The following PCDHA1 variants were observed in gnomAD, a reference collection of about 807,000 sequenced individuals.
PCDHA1 encodes the protein protocadherin alpha 1.
A neutral mutation model predicts 61.3 loss-of-function variants in PCDHA1; 42 were observed. That is an observed-to-expected ratio of 0.69 (90% CI 0.54 to 0.89). The LOEUF is 0.89. Among genes scored for constraint, PCDHA1 ranks in the 40% least tolerant of loss-of-function variants. The pLI is 0.00. For missense variants in PCDHA1, 1,256 were observed against 1,235.3 expected (o/e 1.02, Z -0.25); for synonymous variants, 610 against 553.8 (o/e 1.10, Z -1.43).
At chr5:140,882,392 G>C (rs781850899) in intron 1 of PCDHA1, 4 of 1,614,178 alleles carry the variant, frequency 2.5e-6, no homozygotes, top group South Asian at 1.1e-5. Flanking sequence ...AGCAAAACAC[G>C]GCACCTTCGT....
chr5:141,006,361 A>G (rs1384420854), intron 3 of PCDHA1, among the ~76,000 whole-genome samples: 3 of 151,846 alleles, frequency 2.0e-5, no homozygotes, highest in African/African-American at 7.3e-5. Context: ...ATAGGCGCCC[A>G]CCACCACGCC....
intron 1 of PCDHA1, among the ~76,000 whole-genome samples, chr5:140,818,835 TG>T (rs1766447116): frequency 6.6e-6 from 1 of 152,204 alleles, no homozygotes; most frequent in African/African-American, 2.4e-5. Context: ...GTCACCCAGT[TG>T]TATAGAATCA....
intron 1 of PCDHA1, chr5:140,795,922 G>T: frequency 6.2e-7 from 1 of 1,613,924 alleles, no homozygotes; most frequent in Non-Finnish European, 8.5e-7. Context: ...CGAGATTCAG[G>T]TCACTGCAAC....
At chr5:140,848,285 C>T in intron 1 of PCDHA1, 1 of 617,022 alleles carries the variant, frequency 1.6e-6, no homozygotes. Flanking sequence ...TGTACTTACA[C>T]TTTGGGCCAC....
intron 1 of PCDHA1, chr5:140,794,840 A>G: frequency 9.4e-7 from 1 of 1,063,330 alleles, no homozygotes; most frequent in Non-Finnish European, 1.4e-6. Context: ...AAATACCCAG[A>G]GCCCCTTTGT....
rs377081112 is a variant in PCDHA1 at position 140,871,063 on chromosome 5, G to T, written c.2394+82379G>T. The T allele has an allele frequency of 1.1e-5, 18 of 1,613,154 alleles. No homozygotes were observed. In the African/African-American group the frequency reaches 2.0e-4, roughly 18 times the overall value. On this transcript the variant is annotated intron_variant, in intron 1 of 3. Transcript: ENST00000504120. ...ACTTCTAGTACTGGTGAAGGATCAC[G>T]GTGAGCCGGCGCTGACGGCCACGGC...
chr5:140,916,003 A>G (rs971043760), intron 1 of PCDHA1, among the ~76,000 whole-genome samples: 1 of 152,146 alleles, frequency 6.6e-6, no homozygotes, highest in Non-Finnish European at 1.5e-5. Context: ...CACTCAAACC[A>G]CAAGACAAAG....
rs2150350980 is a variant in PCDHA1 at position 140,843,047 on chromosome 5, G to A, written c.2394+54363G>A. On this transcript the variant is annotated intron_variant, in intron 1 of 3. Coordinates refer to ENST00000504120, the MANE Select transcript of PCDHA1 (RefSeq NM_018900.4). ...GCCTCGGGTGGGTGGCACTGGTGGC[G>A]CAGCGAGCAAGCTGGTGCCGCGGTC... 9.4e-6 allele frequency: 15 copies of A among 1,595,052 alleles called. 2 individuals carry two copies. The highest frequency in any genetic ancestry group is 1.2e-5 in the Non-Finnish European group (14 of 1,165,268).
rs559156187 is a variant in PCDHA1 at position 140,858,121 on chromosome 5, G to A, written c.2394+69437G>A. On this transcript the variant is annotated intron_variant, in intron 1 of 3. Coordinates refer to ENST00000504120, the MANE Select transcript of PCDHA1 (RefSeq NM_018900.4). ...TGGGCGTGGCGCCCGAGGTGGCCCTGGTGGATGTCAACGTGTACCTGATCA... is the reference window on the plus strand; with the variant it reads ...TGGGCGTGGCGCCCGAGGTGGCCCTAGTGGATGTCAACGTGTACCTGATCA... 7 of 1,597,864 alleles carry A rather than the reference G, an allele frequency of 4.4e-6. No individual in the cohort carries two copies. The South Asian group carries it at 5.5e-5, about 13-fold the overall frequency.
intron 1 of PCDHA1, chr5:140,863,746 C>T (rs902419131): frequency 8.2e-6 from 2 of 244,508 alleles, no homozygotes; most frequent in Non-Finnish European, 1.6e-5. Context: ...TATTTGTAAT[C>T]CCGGCACTTT....
At chr5:140,882,400 C>T (rs782194379) in intron 1 of PCDHA1, 10 of 1,614,172 alleles carry the variant, frequency 6.2e-6, no homozygotes, top group Admixed American at 3.3e-5. Context: ...ACGGCACCTT[C>T]GTGGGCCGCA....
chr5:140,923,219 CGTTTGAGCCCAGAA>C (rs6149268), intron 1 of PCDHA1, among the ~76,000 whole-genome samples: 47,935 of 151,966 alleles, frequency 0.32, 7,912 homozygotes, highest in East Asian at 0.52. Context: ...GTGAAAGGAT[CGTTTGAGCCCAGAA>C]GTTTGAGACC....
intron 1 of PCDHA1, chr5:140,875,502 A>G (rs201298546): frequency 1.7e-5 from 28 of 1,613,494 alleles, no homozygotes; most frequent in Non-Finnish European, 2.3e-5. Context: ...GAGGCCCGGG[A>G]TCCCAGCGTC....
At chr5:140,998,939 A>C (rs1299425979) in intron 3 of PCDHA1, among the ~76,000 whole-genome samples, 2 of 152,248 alleles carry the variant, frequency 1.3e-5, no homozygotes, top group Admixed American at 1.3e-4. Flanking sequence ...CAGATGAAGA[A>C]ACTGTAAGTC....
intron 1 of PCDHA1, chr5:140,930,305 T>C (rs1554207723): frequency 6.6e-6 from 1 of 152,252 alleles, no homozygotes; most frequent in Non-Finnish European, 1.5e-5. Flanking sequence ...TAAGTAAATA[T>C]CATATTTGAG....
chr5:140,805,220 T>G, intron 1 of PCDHA1: 1 of 1,410,166 alleles, frequency 7.1e-7, no homozygotes, highest in Non-Finnish European at 9.2e-7. Context: ...CATTGTTTTC[T>G]ATTCTGCTGC....
At chr5:140,792,991 A>G (rs1308263275) in intron 1 of PCDHA1, among the ~76,000 whole-genome samples, 1 of 152,230 alleles carries the variant, frequency 6.6e-6, no homozygotes, top group African/African-American at 2.4e-5. Context: ...CCTGGCTTCA[A>G]GAATGAGCAA....
intron 1 of PCDHA1, among the ~76,000 whole-genome samples, chr5:140,964,472 T>C (rs1160731930): frequency 6.6e-6 from 1 of 152,074 alleles, no homozygotes; most frequent in Non-Finnish European, 1.5e-5. Context: ...GTGCCTATGA[T>C]TTTTTCACAG....
chr5:140,966,279 G>A, intron 1 of PCDHA1: 1 of 364,628 alleles, frequency 2.7e-6, no homozygotes, highest in Non-Finnish European at 4.9e-6. Flanking sequence ...ACTGGACAGT[G>A]GGGGTAGGGA....
Sources: gnomAD v4.1 joint callset for allele counts (sites outside exome capture counted in the v4.1 genomes callset) on GRCh38, gnomAD v4.1.1 for gene constraint, MANE v1.5 for transcripts, NCBI Gene and HGNC (gene_info 2026-07-23, HGNC 2026-07-21) for gene names.